Variants in WNK2 observed in about 807,000 individuals in gnomAD.
WNK2 encodes WNK lysine deficient protein kinase 2, also known as serine/threonine-protein kinase WNK2.
A neutral mutation model predicts 192.1 loss-of-function variants in WNK2; 67 were observed. The ratio of observed to expected loss-of-function variants is 0.35; its 90% CI spans 0.29 to 0.43. The LOEUF (loss-of-function observed/expected upper bound fraction) is 0.43, where lower values mean the gene tolerates loss of function less well. WNK2 is among the 20% of genes least tolerant of loss of function. The probability of loss-of-function intolerance (pLI) is 1.00; values close to 1 mark genes in which losing one functional copy is unlikely to be tolerated. For synonymous variants in WNK2, 1,439 were observed against 1,393.9 expected (o/e 1.03, Z -0.72); for missense variants, 2,698 against 3,089.7 (o/e 0.87, Z 3.01).
At chr9:93,188,068 C>T (rs1297849261) in intron 2 of WNK2, among the ~76,000 whole-genome samples, 2 of 152,118 alleles carry the variant, frequency 1.3e-5, no homozygotes, top group Non-Finnish European at 2.9e-5. Context: ...GGGGAGGGTT[C>T]CTGGGAGTCA....
At chr9:93,205,848 C>T (rs60181447) in intron 2 of WNK2, among the ~76,000 whole-genome samples, 2,352 of 152,192 alleles carry the variant, frequency 0.015, 64 homozygotes, top group African/African-American at 0.054. Context: ...CTCTGTGTGA[C>T]GCCAGTGCCT....
At chr9:93,264,938 C>T (rs1844911291) in intron 16 of WNK2, among the ~76,000 whole-genome samples, 1 of 152,232 alleles carries the variant, frequency 6.6e-6, no homozygotes, top group Non-Finnish European at 1.5e-5. Context: ...AAGCTGCCCC[C>T]TTGGGCTGCA....
chr9:93,247,024 G>C lies in WNK2; in HGVS notation c.1543-519G>C, dbSNP rs1841830364. ...TCTCAAGGCTGTGCTTGGTAAATCA[G>C]TTTTAAAATTTGCCAGGCATCAGTG... On this transcript the variant is annotated intron_variant, in intron 7 of 29. Transcript: ENST00000427277. This position sits in a 1 kb window ranked among gnomAD's most constrained non-coding sequence, Gnocchi z 5.2. Among the ~76,000 whole-genome samples, 1 of 152,228 alleles carries C rather than the reference G, an allele frequency of 6.6e-6. No homozygotes were observed. The highest frequency in any genetic ancestry group is 2.4e-5 in the African/African-American group (1 of 41,456).
rs1439863238 is a variant in WNK2, at chr9:93,289,473, G to A, written c.4719G>A (p.Gly1573=). 6.2e-7 allele frequency: 1 copy of A among 1,611,868 alleles called. No homozygotes were observed. The highest frequency in any genetic ancestry group is 8.5e-7 in the Non-Finnish European group (1 of 1,179,144). Residue 1573 remains glycine (G), a synonymous_variant, in exon 20 of 30, where the codon GGG becomes GGA. Coordinates refer to ENST00000427277, the MANE Select transcript of WNK2 (RefSeq NM_006648.4). ...TGCCCACCTCCTCAGCCTCAGCTGG[G>A]ACCCCTGTGGAGGTGGGCGACAGAG... is the stretch of plus-strand genomic sequence containing the variant. ...EHVPTSSASA[G]TPVEVGDRDF...
intron 2 of WNK2, among the ~76,000 whole-genome samples, chr9:93,190,806 G>A (rs532857177): frequency 4.6e-5 from 7 of 152,296 alleles, no homozygotes; most frequent in African/African-American, 1.7e-4. Context: ...GCTGCTTCAC[G>A]GGTCACCCGC....
Position 93,229,794 on chromosome 9 carries a change from C to CT in WNK2, c.781dup (p.Trp261LeufsTer67). On this transcript the variant is annotated frameshift_variant, in exon 3 of 30. Coordinates refer to ENST00000427277, the MANE Select transcript of WNK2 (RefSeq NM_006648.4). LOFTEE classifies it high-confidence loss of function. This position sits in a 1 kb window ranked among gnomAD's most constrained non-coding sequence, Gnocchi z 4.9. ...CCAACATCGTGCGCTTCTACGACTTCTGGGAGTCCAGCGCCAAGGGCAAGC... is the reference window on the plus strand; with the variant it reads ...CCAACATCGTGCGCTTCTACGACTTCTTGGGAGTCCAGCGCCAAGGGCAAGC... The CT allele has an allele frequency of 6.2e-7, 1 of 1,613,970 alleles. No homozygotes were observed. The highest frequency in any genetic ancestry group is 8.5e-7 in the Non-Finnish European group (1 of 1,179,882).
rs1849621512 is a variant in WNK2 at position 93,293,017 on chromosome 9, G to A, written c.5552G>A (p.Gly1851Asp). 2 of 1,598,780 alleles carry A rather than the reference G, an allele frequency of 1.3e-6. No individual in the cohort carries two copies. Among genetic ancestry groups the A allele is most frequent in the Non-Finnish European group, 8.5e-7 (1 of 1,173,444 alleles). The change falls in exon 23 of 30, where the codon GGC becomes GAC. Residue 1851 changes from glycine (G) to aspartate (D), a missense_variant. Physicochemically the swap from Gly to Asp is moderately conservative, Grantham distance 94 (BLOSUM62 -1). Around this residue, in one of 7 missense-constraint regions of WNK2, gnomAD observed 1,098 missense variants for 1,101.0 expected, o/e 1.00. Coordinates refer to ENST00000427277, the MANE Select transcript of WNK2 (RefSeq NM_006648.4). ...TTCCTGCAGAGGCCTTCTCGGGCCG[G>A]CTCGCTGGGCCCCGAGACACCCAGC... ...TAFLQRPSRAGSLGPETPSRV... is the reference protein window; with the variant it reads ...TAFLQRPSRADSLGPETPSRV...
At chr9:93,253,103 C>A (rs781093053) in intron 9 of WNK2, 21 bp downstream of exon 9, 2 of 1,383,670 alleles carry the variant, frequency 1.4e-6, no homozygotes, top group Non-Finnish European at 1.9e-6. Flanking sequence ...GCATCACTCC[C>A]ACCCCCTTCC....
At position 93,193,712 on chromosome 9, in the gene WNK2, ACTGT is replaced by A. The variant is rs1055173848; in HGVS notation, c.681+8107_681+8110del. Among the ~76,000 whole-genome samples, 32 of 152,296 alleles carry A rather than the reference ACTGT, an allele frequency of 2.1e-4. 1 individual carries two copies. Among genetic ancestry groups the A allele is most frequent in the African/African-American group, 7.0e-4 (29 of 41,550 alleles). On this transcript the variant is annotated intron_variant, in intron 2 of 29. Coordinates refer to ENST00000427277, the MANE Select transcript of WNK2 (RefSeq NM_006648.4). ...GACGCTGGAGGTTGGCAACCTGAAC[ACTGT>A]CTGTAAGTTTTCCTGCTTCTGAGAG...
intron 29 of WNK2, among the ~76,000 whole-genome samples, chr9:93,320,043 A>G (rs1855285974): frequency 6.6e-6 from 1 of 152,124 alleles, no homozygotes; most frequent in African/African-American, 2.4e-5. Context: ...AGGGAGGAGG[A>G]ACACTCATCC....
chr9:93,243,909 C>T (rs1165767251), intron 7 of WNK2, among the ~76,000 whole-genome samples: 1 of 152,240 alleles, frequency 6.6e-6, no homozygotes, highest in Non-Finnish European at 1.5e-5. Context: ...GACACTAGCA[C>T]CTGGCTCTGA....
chr9:93,280,733 G>A (rs767496964), intron 19 of WNK2, among the ~76,000 whole-genome samples: 5 of 152,162 alleles, frequency 3.3e-5, no homozygotes, highest in African/African-American at 7.2e-5. Flanking sequence ...AGCACTGTGA[G>A]GACAGCACTA....
intron 23 of WNK2, 84 bp from the exon 24 acceptor site, chr9:93,297,769 C>CA: frequency 7.1e-7 from 1 of 1,416,932 alleles, no homozygotes; most frequent in Admixed American, 2.1e-5. Flanking sequence ...CATGTTCTCC[C>CA]ACGCCACCTC....
chr9:93,197,095 AC>A (rs1831402305), intron 2 of WNK2, among the ~76,000 whole-genome samples: 1 of 152,194 alleles, frequency 6.6e-6, no homozygotes, highest in African/African-American at 2.4e-5. Flanking sequence ...TTTAGCCCCA[AC>A]ATTTTATTTT....
chr9:93,291,812 G>A (rs550205872), intron 21 of WNK2, among the ~76,000 whole-genome samples: 6 of 152,136 alleles, frequency 3.9e-5, no homozygotes, highest in South Asian at 4.1e-4. Flanking sequence ...GCCTCTTTAC[G>A]GCAACCCTGG....
chr9:93,245,581 T>C (rs1197583544), intron 7 of WNK2, among the ~76,000 whole-genome samples: 1 of 152,236 alleles, frequency 6.6e-6, no homozygotes, highest in Non-Finnish European at 1.5e-5. Flanking sequence ...GCCTGTGGCT[T>C]CTCTAAGTTG....
At chr9:93,206,388 G>C (rs1833392143) in intron 2 of WNK2, among the ~76,000 whole-genome samples, 1 of 152,194 alleles carries the variant, frequency 6.6e-6, no homozygotes, top group Non-Finnish European at 1.5e-5. Context: ...CCTGGCCTTG[G>C]TGGCTGAGGG....
chr9:93,185,514 C>T lies in WNK2; in HGVS notation c.585C>T (p.Leu195=). The T allele has an allele frequency of 6.2e-7, 1 of 1,612,986 alleles. No individual in the cohort carries two copies. Among genetic ancestry groups the T allele is most frequent in the Non-Finnish European group, 8.5e-7 (1 of 1,179,742 alleles). Residue 195 remains leucine, a synonymous_variant, in exon 2 of 30, where the codon CTC becomes CTT. Transcript: ENST00000427277. ...AVATSLDGRF[L]KFDIELGRGS... is the part of the protein sequence containing the mutation. Reference sequence around the variant, plus strand: ...CCACCTCTCTGGACGGCCGCTTCCTCAAGTTCGACATCGAGCTGGGCCGCG... The same window carrying T: ...CCACCTCTCTGGACGGCCGCTTCCTTAAGTTCGACATCGAGCTGGGCCGCG...
At chr9:93,317,850 C>A (rs2134476837) in intron 29 of WNK2, 1 of 1,528,050 alleles carries the variant, frequency 6.5e-7, no homozygotes, top group Non-Finnish European at 8.8e-7. Context: ...GATCACGTAG[C>A]CTTCTGCCCT....
Sources: allele counts gnomAD v4.1 joint callset (sites outside exome capture counted in the v4.1 genomes callset), GRCh38; gene constraint gnomAD v4.1.1; regional missense constraint gnomAD v4.1.1; non-coding constraint Gnocchi (gnomAD v3.1); transcripts MANE v1.5; gene names NCBI Gene and HGNC (gene_info 2026-07-23, HGNC 2026-07-21).